The following SCAMP2 variants were observed in gnomAD, a reference collection of about 807,000 sequenced individuals.
The protein encoded by SCAMP2 is secretory carrier-associated membrane protein 2.
In SCAMP2, 25 loss-of-function variants were observed where a neutral mutation model predicts 44.1. The observed-to-expected ratio is 0.57, with a 90% CI of 0.41 to 0.79. The LOEUF is 0.79. SCAMP2 is among the 30% of genes least tolerant of loss of function. The pLI, the probability that SCAMP2 is intolerant of heterozygous loss-of-function variation, is 0.00. For synonymous variants in SCAMP2, 156 were observed against 166.0 expected, an observed-to-expected ratio of 0.94 and a Z score of 0.46; for missense variants, 355 against 411.0, an observed-to-expected ratio of 0.86 and a Z score of 1.18.
At chr15:74,852,853 A>G (rs2064444383) in intron 3 of SCAMP2, 1 of 152,878 alleles carries the variant, frequency 6.5e-6, no homozygotes, top group African/African-American at 2.4e-5. Flanking sequence ...CAGGCGGGGT[A>G]GAGCCTCTGA....
In SCAMP2 at chr15:74,848,587, G is replaced by A. The variant is rs756933895; in HGVS notation, c.734+13C>T. 6.5e-7 allele frequency: 1 copy of A among 1,531,792 alleles called. No homozygotes were observed. The highest frequency in any genetic ancestry group is 9.0e-7 in the Non-Finnish European group (1 of 1,105,252). 94.9% of individuals were successfully genotyped at this position (1,531,792 alleles called of 1,614,324 possible). On this transcript the variant is annotated intron_variant, in intron 7 of 8. Transcript: ENST00000268099. ...TCCAAAGCCTAATTCCCTCTGTGAT[G>A]CCCAGGTCTCACCTGTCCCCCAGGC...
In SCAMP2 at chr15:74,871,352, G is replaced by A. The variant is rs544040492; in HGVS notation, c.57+1847C>T. On this transcript the variant is annotated intron_variant, in intron 1 of 8. Coordinates refer to ENST00000268099, the MANE Select transcript of SCAMP2 (RefSeq NM_005697.5). ...CATTCTTGTAGTCCCAGCTACTCAG[G>A]AGACTGAGGTGGGATTCAAATAATC... 2.0e-5 allele frequency among the ~76,000 whole-genome samples: 3 copies of A among 148,824 alleles called. No individual in the cohort carries two copies. In the South Asian group the frequency reaches 6.6e-4, roughly 33 times the overall value.
Position 74,852,069 on chromosome 15 carries a change from C to A in SCAMP2, c.343G>T (p.Val115Leu). 6.4e-7 allele frequency: 1 copy of A among 1,570,008 alleles called. No homozygotes were observed. The highest frequency in any genetic ancestry group is 8.6e-7 in the Non-Finnish European group (1 of 1,156,842). Residue 115 changes from valine to leucine, a missense_variant and splice_region_variant, in exon 4 of 9, where the codon GTG becomes TTG. Transcript: ENST00000268099. ...CCCAGGCCCCAGCAGCCTCCCTTAC[C>A]ATGCAAGTTGGCTACAGTGTTCTGC... is the stretch of plus-strand genomic sequence containing the variant. The part of the protein sequence containing the change: ...ELQNTVANLH[V>L]RQNNWPPLPS...
chr15:74,856,261 GTTCTTT>G lies in SCAMP2; in HGVS notation c.58-1618_58-1613del, dbSNP rs1388938570. Among the ~76,000 whole-genome samples, 425 of 108,660 alleles carry G rather than the reference GTTCTTT, an allele frequency of 3.9e-3. 5 individuals carry two copies. Among genetic ancestry groups the G allele is most frequent in the African/African-American group, 0.014 (393 of 28,856 alleles). 71.3% of individuals were successfully genotyped at this position (108,660 alleles called of 152,430 possible). The stretch of plus-strand genomic sequence containing the variant: ...TCCACTGGAAGCCTCTGCAGAGCCA[GTTCTTT>G]TTTTTTTTTTTTTTTTTTTTTTTTT... On this transcript the variant is annotated intron_variant, in intron 1 of 8. Transcript: ENST00000268099.
chr15:74,849,416 C>G (rs1335761638), intron 6 of SCAMP2, among the ~76,000 whole-genome samples: 2 of 151,958 alleles, frequency 1.3e-5, no homozygotes, highest in Non-Finnish European at 2.9e-5. Flanking sequence ...CCATTGCACT[C>G]CAGCCTGGGT....
chr15:74,860,838 G>C (rs911860721), intron 1 of SCAMP2, among the ~76,000 whole-genome samples: 1 of 151,824 alleles, frequency 6.6e-6, no homozygotes. Context: ...CTGGGCAGCA[G>C]AGCAAGACTC....
At position 74,844,200 on chromosome 15, in the gene SCAMP2, G is replaced by C. The variant is rs1290843680; in HGVS notation, c.*883C>G. ...ACAAAGGCAGCCGTCCCTCGGTTCGGGGAGGGGGGGGGGTAGTCACAGCAA... is the reference window on the plus strand; with the variant it reads ...ACAAAGGCAGCCGTCCCTCGGTTCGCGGAGGGGGGGGGGTAGTCACAGCAA... On this transcript the variant is annotated 3_prime_UTR_variant, in exon 9 of 9. Transcript: ENST00000268099. 1 of 147,496 alleles carries C rather than the reference G, an allele frequency of 6.8e-6. No individual in the cohort carries two copies. Among genetic ancestry groups the C allele is most frequent in the African/African-American group, 2.5e-5 (1 of 40,218 alleles). The allele number at this position is 147,496 out of a possible 1,614,324, so 9.1% of individuals were successfully genotyped here. A position where few individuals can be genotyped will look rare whatever the true frequency, so the allele number is the denominator to read the frequency against.
At chr15:74,855,339 T>G (rs1475699847) in intron 1 of SCAMP2, among the ~76,000 whole-genome samples, 2 of 152,078 alleles carry the variant, frequency 1.3e-5, no homozygotes, top group African/African-American at 4.8e-5. Context: ...CTTGACCTCG[T>G]GATCTGCCTG....
intron 3 of SCAMP2, 38 bp from the exon 4 acceptor site, chr15:74,852,224 CAACA>C: frequency 7.2e-7 from 1 of 1,395,692 alleles, no homozygotes; most frequent in South Asian, 1.5e-5. Context: ...CAGCCAGACA[CAACA>C]AACAGAAACA....
intron 2 of SCAMP2, 98 bp from the exon 3 acceptor site, chr15:74,854,217 G>A: frequency 9.2e-7 from 1 of 1,082,252 alleles, no homozygotes; most frequent in Non-Finnish European, 1.4e-6. Flanking sequence ...GCCCCTGCCT[G>A]TGAGGGGACT....
chr15:74,866,014 GGAAA>G, intron 1 of SCAMP2, among the ~76,000 whole-genome samples: 2 of 83,498 alleles, frequency 2.4e-5, no homozygotes, highest in African/African-American at 1.0e-4. Context: ...AAGGAAGGAA[GGAAA>G]GGAGGGAGGG....
chr15:74,862,388 C>G (rs2064512855), intron 1 of SCAMP2, among the ~76,000 whole-genome samples: 1 of 151,600 alleles, frequency 6.6e-6, no homozygotes, highest in South Asian at 2.1e-4. Flanking sequence ...ACCACCCTGG[C>G]CAACATGGTG....
chr15:74,855,265 G>A (rs1005981802), intron 1 of SCAMP2, among the ~76,000 whole-genome samples: 3 of 151,534 alleles, frequency 2.0e-5, no homozygotes, highest in Admixed American at 6.6e-5. Context: ...CACCATACCC[G>A]GCTAATTTTT....
rs150204440 is a variant in SCAMP2 at position 74,845,047 on chromosome 15, C to T, written c.*36G>A. 33 of 1,598,080 alleles carry T rather than the reference C, an allele frequency of 2.1e-5. No individual in the cohort carries two copies. In the Admixed American group the frequency reaches 3.7e-4, roughly 18 times the overall value. On this transcript the variant is annotated 3_prime_UTR_variant, in exon 9 of 9. Transcript: ENST00000268099. ...CGGAAAGTGCAGCTCAGAAGGCAGG[C>T]GAGAGAAAGGCTGAGGGGGAGAGAA... is the stretch of plus-strand genomic sequence containing the variant.
At chr15:74,868,293 C>T (rs983703770) in intron 1 of SCAMP2, among the ~76,000 whole-genome samples, 1 of 152,182 alleles carries the variant, frequency 6.6e-6, no homozygotes, top group African/African-American at 2.4e-5. Flanking sequence ...CATAACCACA[C>T]GCAAGGAAGA....
intron 1 of SCAMP2, among the ~76,000 whole-genome samples, chr15:74,861,605 A>C (rs771303575): frequency 6.6e-6 from 1 of 152,180 alleles, no homozygotes; most frequent in Non-Finnish European, 1.5e-5. Flanking sequence ...AGCAATACAG[A>C]ACAGGCTTTC....
intron 3 of SCAMP2, 33 bp downstream of exon 3, chr15:74,853,988 A>C: frequency 4.5e-6 from 7 of 1,559,602 alleles, no homozygotes; most frequent in Non-Finnish European, 5.3e-6. Flanking sequence ...CCCTCACTGG[A>C]GAGAAAAGGC....
At chr15:74,850,148 C>T (rs945743701) in intron 6 of SCAMP2, among the ~76,000 whole-genome samples, 2 of 152,174 alleles carry the variant, frequency 1.3e-5, no homozygotes, top group Non-Finnish European at 2.9e-5. Context: ...GGAGAGCACT[C>T]ATCTGATACT....
chr15:74,860,505 A>G (rs930782055), intron 1 of SCAMP2, among the ~76,000 whole-genome samples: 1 of 151,776 alleles, frequency 6.6e-6, no homozygotes, highest in Non-Finnish European at 1.5e-5. Flanking sequence ...CCTGGCCAAG[A>G]TGGCAAAACC....
Sources: allele counts gnomAD v4.1 joint callset (sites outside exome capture counted in the v4.1 genomes callset), GRCh38; gene constraint gnomAD v4.1.1; transcripts MANE v1.5; gene names NCBI Gene and HGNC (gene_info 2026-07-23, HGNC 2026-07-21).